The following NCALD variants were observed in gnomAD, a reference collection of about 807,000 sequenced individuals.
NCALD encodes the protein neurocalcin delta, also known as neurocalcin-delta.
NCALD carries 10 observed loss-of-function variants against 18.6 expected under a neutral mutation model. That is an observed-to-expected ratio of 0.54 (90% CI 0.33 to 0.91). NCALD has a LOEUF of 0.91. Ranked by LOEUF, NCALD falls within the 40% of genes least tolerant of loss-of-function variation. The probability of loss-of-function intolerance (pLI) is 0.03; values close to 1 mark genes in which losing one functional copy is unlikely to be tolerated. For missense variants in NCALD, 184 were observed against 247.6 expected, an observed-to-expected ratio of 0.74 and a Z score of 1.72; for synonymous variants, 88 against 87.4, an observed-to-expected ratio of 1.01 and a Z score of -0.04.
chr8:101,928,910 G>T (rs1818437620), intron 2 of NCALD, among the ~76,000 whole-genome samples: 1 of 152,004 alleles, frequency 6.6e-6, no homozygotes, highest in African/African-American at 2.4e-5. Flanking sequence ...TGTACTGGGA[G>T]GACTGACTTG....
At chr8:102,120,757 A>C (rs976950972) in intron 1 of NCALD, among the ~76,000 whole-genome samples, 21 of 152,232 alleles carry the variant, frequency 1.4e-4, no homozygotes, top group African/African-American at 5.1e-4. Flanking sequence ...CTGAAAAATT[A>C]TCATAAATGT....
intron 2 of NCALD, among the ~76,000 whole-genome samples, chr8:101,985,784 T>C (rs1820785119): frequency 1.3e-5 from 2 of 152,198 alleles, no homozygotes; most frequent in South Asian, 4.1e-4. Context: ...AGACTATTTA[T>C]ACTCAACATT....
At chr8:101,713,237 A>T (rs978623835) in intron 2 of NCALD, among the ~76,000 whole-genome samples, 11 of 152,230 alleles carry the variant, frequency 7.2e-5, no homozygotes, top group African/African-American at 2.7e-4. Flanking sequence ...ATGAAAACAA[A>T]GACACAATAT....
chr8:101,788,476 CT>C (rs1194603455), intron 1 of NCALD, among the ~76,000 whole-genome samples: 1 of 152,166 alleles, frequency 6.6e-6, no homozygotes, highest in Non-Finnish European at 1.5e-5. Flanking sequence ...CTCACCATTA[CT>C]TCAAAATTAT....
chr8:101,741,827 C>T (rs1380761755), intron 1 of NCALD, among the ~76,000 whole-genome samples: 2 of 146,642 alleles, frequency 1.4e-5, no homozygotes, highest in Admixed American at 1.4e-4. Flanking sequence ...GTCTCAGCTA[C>T]TCAGGAAGCT....
At chr8:101,788,956 G>A (rs948632654) in intron 1 of NCALD, 1 of 152,106 alleles carries the variant, frequency 6.6e-6, no homozygotes, top group African/African-American at 2.4e-5. Flanking sequence ...TTCTTTTAGT[G>A]ATAAACTTCA....
chr8:101,748,232 C>G (rs1443395125), intron 1 of NCALD, among the ~76,000 whole-genome samples: 1 of 152,126 alleles, frequency 6.6e-6, no homozygotes, highest in African/African-American at 2.4e-5. Flanking sequence ...GGAGGAAAAA[C>G]AGATTTATAA....
intron 2 of NCALD, among the ~76,000 whole-genome samples, chr8:101,989,400 A>T (rs1820957032): frequency 1.3e-5 from 2 of 152,256 alleles, no homozygotes; most frequent in Admixed American, 1.3e-4. Context: ...AAGAAACTTT[A>T]TACATAAAAA....
At chr8:101,996,080 TTG>T (rs1475094761) in intron 2 of NCALD, among the ~76,000 whole-genome samples, 1 of 152,240 alleles carries the variant, frequency 6.6e-6, no homozygotes, top group East Asian at 1.9e-4. Context: ...TTCACACATT[TTG>T]GCATACCAAG....
chr8:101,696,491 G>A (rs1814998248), intron 2 of NCALD, among the ~76,000 whole-genome samples: 1 of 152,128 alleles, frequency 6.6e-6, no homozygotes, highest in South Asian at 2.1e-4. Flanking sequence ...AATCAGGGGT[G>A]AGCAAAACAC....
chr8:101,836,996 T>C (rs1307021281), intron 4 of NCALD, among the ~76,000 whole-genome samples: 1 of 152,330 alleles, frequency 6.6e-6, no homozygotes, highest in East Asian at 1.9e-4. Context: ...TATAATAAAT[T>C]TGATTTTTAA....
At chr8:102,115,650 C>T (rs150956391) in intron 1 of NCALD, among the ~76,000 whole-genome samples, 21 of 152,292 alleles carry the variant, frequency 1.4e-4, no homozygotes, top group Admixed American at 3.9e-4. Context: ...AAATAAAAGA[C>T]GTGCGGATGG....
intron 3 of NCALD, among the ~76,000 whole-genome samples, chr8:101,914,142 C>T (rs780650456): frequency 1.6e-4 from 24 of 152,190 alleles, no homozygotes; most frequent in Non-Finnish European, 3.2e-4. Flanking sequence ...TACATTGAGT[C>T]ATCATGTCTC....
intron 1 of NCALD, among the ~76,000 whole-genome samples, chr8:102,077,361 C>A (rs1824381138): frequency 6.6e-6 from 1 of 152,008 alleles, no homozygotes; most frequent in Admixed American, 6.5e-5. Flanking sequence ...TGGAAAGAAA[C>A]CTTTAAAAGC....
At chr8:101,917,039 A>C (rs2131629923) in intron 2 of NCALD, among the ~76,000 whole-genome samples, 1 of 152,264 alleles carries the variant, frequency 6.6e-6, no homozygotes, top group Non-Finnish European at 1.5e-5. Flanking sequence ...CAAGTATAGA[A>C]TATACCTTCT....
intron 1 of NCALD, among the ~76,000 whole-genome samples, chr8:102,116,101 C>T (rs1336633381): frequency 6.7e-6 from 1 of 149,856 alleles, no homozygotes; most frequent in South Asian, 2.1e-4. Context: ...CACACCGGGG[C>T]CTGTCGTAGG....
At chr8:102,004,757 C>G (rs1387745865) in intron 2 of NCALD, among the ~76,000 whole-genome samples, 1 of 152,088 alleles carries the variant, frequency 6.6e-6, no homozygotes, top group Non-Finnish European at 1.5e-5. Context: ...TTTGACAAAT[C>G]TGACAAAAAC....
At chr8:101,728,923 C>A (rs1440888994) in intron 1 of NCALD, among the ~76,000 whole-genome samples, 1 of 152,214 alleles carries the variant, frequency 6.6e-6, no homozygotes, top group Non-Finnish European at 1.5e-5. Context: ...AATTTTCAGC[C>A]AATGGAATGT....
At chr8:101,865,001 G>T (rs771011879) in intron 4 of NCALD, among the ~76,000 whole-genome samples, 2 of 152,160 alleles carry the variant, frequency 1.3e-5, no homozygotes, top group Non-Finnish European at 2.9e-5. Flanking sequence ...TGGTTAGAAT[G>T]ATATTTTCAT....
Sources: gnomAD v4.1 joint callset for allele counts (sites outside exome capture counted in the v4.1 genomes callset) on GRCh38, gnomAD v4.1.1 for gene constraint, MANE v1.5 for transcripts, NCBI Gene and HGNC (gene_info 2026-07-23, HGNC 2026-07-21) for gene names.